The following SGCZ variants were observed in gnomAD, a reference collection of about 807,000 sequenced individuals.
SGCZ encodes zeta-sarcoglycan.
A neutral mutation model predicts 41.3 loss-of-function variants in SGCZ; 40 were observed. The ratio of observed to expected loss-of-function variants is 0.97; its 90% CI spans 0.75 to 1.26. SGCZ has a LOEUF of 1.26. Ranked by LOEUF, SGCZ falls within the 50% of genes most tolerant of loss-of-function variation. The pLI is 0.00. For missense variants in SGCZ, 552 were observed against 369.8 expected (o/e 1.49, Z -4.04); for synonymous variants, 206 against 137.5 (o/e 1.50, Z -3.49).
intron 1 of SGCZ, among the ~76,000 whole-genome samples, chr8:14,859,508 A>G (rs1218793673): frequency 6.6e-6 from 1 of 152,040 alleles, no homozygotes; most frequent in African/African-American, 2.4e-5. Flanking sequence ...GGAAGACTAC[A>G]CTCCCCAAAT....
intron 3 of SGCZ, among the ~76,000 whole-genome samples, chr8:14,306,735 G>C (rs948019289): frequency 6.6e-6 from 1 of 152,142 alleles, no homozygotes; most frequent in Non-Finnish European, 1.5e-5. Context: ...TGCATTATTT[G>C]TGGTCAATTT....
intron 1 of SGCZ, among the ~76,000 whole-genome samples, chr8:15,063,167 C>A (rs984400281): frequency 6.6e-6 from 1 of 152,002 alleles, no homozygotes; most frequent in Non-Finnish European, 1.5e-5. Flanking sequence ...CCCACTAGTT[C>A]GATAGACTTC....
At chr8:14,609,200 T>C (rs1206166955) in intron 1 of SGCZ, among the ~76,000 whole-genome samples, 8 of 152,178 alleles carry the variant, frequency 5.3e-5, no homozygotes, top group Admixed American at 5.2e-4. Context: ...ATAACAAAAT[T>C]GTATTATTAC....
chr8:14,647,583 G>C (rs1424613756), intron 1 of SGCZ, among the ~76,000 whole-genome samples: 1 of 151,976 alleles, frequency 6.6e-6, no homozygotes, highest in Non-Finnish European at 1.5e-5. Context: ...AGACATGGTT[G>C]TGGCATAAAG....
intron 1 of SGCZ, among the ~76,000 whole-genome samples, chr8:14,694,754 T>C (rs1357393015): frequency 2.6e-5 from 4 of 152,210 alleles, no homozygotes; most frequent in Non-Finnish European, 5.9e-5. Flanking sequence ...ATAACTCATA[T>C]TTATTTATCA....
intron 4 of SGCZ, among the ~76,000 whole-genome samples, chr8:14,231,253 C>CAGAGAG (rs1163656774): frequency 7.1e-6 from 1 of 141,554 alleles, no homozygotes; most frequent in Non-Finnish European, 1.6e-5. Flanking sequence ...GAGAGAGACA[C>CAGAGAG]AGAGAGAGAG....
chr8:14,476,554 C>T (rs1460289658), intron 2 of SGCZ, among the ~76,000 whole-genome samples: 3 of 150,714 alleles, frequency 2.0e-5, no homozygotes, highest in Non-Finnish European at 4.5e-5. Flanking sequence ...CCACATTTCT[C>T]TCTCTAACTC....
chr8:14,319,400 G>T (rs1427641062), intron 3 of SGCZ: 1 of 151,924 alleles, frequency 6.6e-6, no homozygotes, highest in East Asian at 1.9e-4. Context: ...AAGCATAAAG[G>T]CAACAGTCAG....
intron 2 of SGCZ, among the ~76,000 whole-genome samples, chr8:14,352,980 C>G (rs17119150): frequency 0.051 from 7,764 of 152,044 alleles, 435 homozygotes; most frequent in East Asian, 0.28. Flanking sequence ...CCAAAATACT[C>G]TCATGATTTT....
chr8:14,774,195 G>A (rs1800332584), intron 1 of SGCZ, among the ~76,000 whole-genome samples: 1 of 151,866 alleles, frequency 6.6e-6, no homozygotes. Context: ...ATTTCCCTGA[G>A]CAAGAGAGAA....
intron 2 of SGCZ, among the ~76,000 whole-genome samples, chr8:14,394,793 A>G (rs1204485798): frequency 6.6e-6 from 1 of 152,194 alleles, no homozygotes; most frequent in Non-Finnish European, 1.5e-5. Context: ...GAAGGTAAAA[A>G]AAGGCTAAAT....
intron 3 of SGCZ, among the ~76,000 whole-genome samples, chr8:14,239,551 G>C (rs1271865274): frequency 6.6e-6 from 1 of 151,946 alleles, no homozygotes; most frequent in African/African-American, 2.4e-5. Context: ...TTAAACATAA[G>C]CTTCTTATGT....
In SGCZ at chr8:15,148,572, G is replaced by C. The variant is rs149638802; in HGVS notation, c.39+89013C>G. Among the ~76,000 whole-genome samples the C allele has an allele frequency of 1.3e-3, 200 of 152,274 alleles. 3 individuals are homozygous for C. In the South Asian group the frequency reaches 0.03, roughly 23 times the overall value. On this transcript the variant is annotated intron_variant, in intron 1 of 7. Coordinates refer to ENST00000382080, the MANE Select transcript of SGCZ (RefSeq NM_139167.4). Reference sequence around the variant, plus strand: ...CATTGTCCTAAATATCCTCTGTCTAGTTACCATCAATTATTTTTGCTTGAT... The same window carrying C: ...CATTGTCCTAAATATCCTCTGTCTACTTACCATCAATTATTTTTGCTTGAT...
chr8:14,268,191 C>T lies in SGCZ; in HGVS notation c.337-30512G>A, dbSNP rs540623527. 1.1e-4 allele frequency among the ~76,000 whole-genome samples: 16 copies of T among 149,040 alleles called. 1 individual carries two copies. The highest frequency in any genetic ancestry group is 3.6e-3 in the Middle Eastern group (1 of 280). ...CAACGGAAGCAAAATACTGGGAATA[C>T]GGTAGACTATATATAGAAATTATAT... On this transcript the variant is annotated intron_variant, in intron 3 of 7. Transcript: ENST00000382080.
chr8:14,869,829 C>T (rs1173661384), intron 1 of SGCZ, among the ~76,000 whole-genome samples: 1 of 152,066 alleles, frequency 6.6e-6, no homozygotes, highest in Non-Finnish European at 1.5e-5. Flanking sequence ...GAGTGAACTC[C>T]CATTCACACT....
chr8:14,196,295 C>G (rs1023577955), intron 4 of SGCZ, among the ~76,000 whole-genome samples: 9 of 149,402 alleles, frequency 6.0e-5, no homozygotes, highest in Non-Finnish European at 1.3e-4. Flanking sequence ...CGGAGTTTCG[C>G]TCTTGTTGCC....
chr8:14,233,820 T>G (rs1248697060), intron 4 of SGCZ, among the ~76,000 whole-genome samples: 4 of 151,734 alleles, frequency 2.6e-5, no homozygotes, highest in Admixed American at 6.6e-5. Context: ...AATTATAGAT[T>G]AAATAGAAAA....
intron 1 of SGCZ, among the ~76,000 whole-genome samples, chr8:15,040,840 C>A (rs1188657135): frequency 1.3e-5 from 2 of 152,100 alleles, no homozygotes; most frequent in Non-Finnish European, 2.9e-5. Flanking sequence ...CCATACCTAT[C>A]AAAGTCAGGA....
intron 2 of SGCZ, among the ~76,000 whole-genome samples, chr8:14,375,235 A>G (rs1364485576): frequency 6.6e-6 from 1 of 152,218 alleles, no homozygotes; most frequent in Non-Finnish European, 1.5e-5. Flanking sequence ...TGGAGATATA[A>G]CAGTTGTGCA....
Sources: allele counts gnomAD v4.1 joint callset (sites outside exome capture counted in the v4.1 genomes callset), GRCh38; gene constraint gnomAD v4.1.1; transcripts MANE v1.5; gene names NCBI Gene and HGNC (gene_info 2026-07-23, HGNC 2026-07-21).